The following SNX18 variants were observed in gnomAD, a reference collection of about 807,000 sequenced individuals.
SNX18 encodes sorting nexin 18.
Under a neutral mutation model 48.7 loss-of-function variants are expected in SNX18, and 35 were observed. That is an observed-to-expected ratio of 0.72 (90% CI 0.55 to 0.95). The LOEUF is 0.95. Ranked by LOEUF, SNX18 falls within the 40% of genes least tolerant of loss-of-function variation. The pLI is 0.00. For synonymous variants in SNX18, 492 were observed against 384.7 expected (o/e 1.28, Z -3.26); for missense variants, 824 against 871.0 (o/e 0.95, Z 0.68).
chr5:54,621,295 T>TGAATCAAC, the SNX18 span, among the ~76,000 whole-genome samples: 1 of 152,320 alleles, frequency 6.6e-6, no homozygotes, highest in Non-Finnish European at 1.5e-5. Flanking sequence ...GCCAGCATTG[T>TGAATCAAC]GAATCAACAA....
chr5:54,524,389 C>T (rs1018357183), intron 1 of SNX18, among the ~76,000 whole-genome samples: 1 of 152,198 alleles, frequency 6.6e-6, no homozygotes. Context: ...CCTGCACTCC[C>T]ACCCTCCTCC....
the SNX18 span, among the ~76,000 whole-genome samples, chr5:54,619,674 G>T: frequency 6.6e-6 from 1 of 152,176 alleles, no homozygotes; most frequent in Non-Finnish European, 1.5e-5. Context: ...TGAATTAGAA[G>T]TTTATTTTGC....
At chr5:54,555,490 G>A in the SNX18 span, among the ~76,000 whole-genome samples, 5 of 151,660 alleles carry the variant, frequency 3.3e-5, no homozygotes, top group African/African-American at 2.4e-5. Context: ...GATTATAGAT[G>A]CACATCATGG....
chr5:54,544,645 C>A lies in SNX18; in HGVS notation c.*1213C>A, dbSNP rs971159225. 1 of 137,812 alleles carries A rather than the reference C, an allele frequency of 7.3e-6. No homozygotes were observed. Among genetic ancestry groups the A allele is most frequent in the East Asian group, 2.3e-4 (1 of 4,346 alleles). The allele number at this position is 137,812 out of a possible 1,614,324, so 8.5% of individuals were successfully genotyped here. On this transcript the variant is annotated 3_prime_UTR_variant, in exon 2 of 2. Coordinates refer to ENST00000381410, the MANE Select transcript of SNX18 (RefSeq NM_001102575.2). The stretch of plus-strand genomic sequence containing the variant: ...AAAAGGTATTGATGAGCCCCCCCCC[C>A]CCAGGACATTTAACCTTAAAATTTA...
At chr5:54,552,158 C>A in the SNX18 span, among the ~76,000 whole-genome samples, 2 of 152,190 alleles carry the variant, frequency 1.3e-5, no homozygotes, top group Admixed American at 1.3e-4. Context: ...GCGACGTGAC[C>A]CATTACCACG....
At chr5:54,619,597 A>G in the SNX18 span, among the ~76,000 whole-genome samples, 3 of 152,170 alleles carry the variant, frequency 2.0e-5, no homozygotes, top group Non-Finnish European at 2.9e-5. Context: ...TACACTATCT[A>G]TGATTCTTTT....
At chr5:54,609,377 ATC>A in the SNX18 span, among the ~76,000 whole-genome samples, 1 of 152,050 alleles carries the variant, frequency 6.6e-6, no homozygotes, top group Non-Finnish European at 1.5e-5. Flanking sequence ...CCTGAAGAAA[ATC>A]TCTCTTCCTT....
chr5:54,619,243 G>T, the SNX18 span, among the ~76,000 whole-genome samples: 4 of 152,180 alleles, frequency 2.6e-5, no homozygotes, highest in African/African-American at 7.2e-5. Flanking sequence ...AGGCACAGTG[G>T]CTCACGCCTA....
the SNX18 span, among the ~76,000 whole-genome samples, chr5:54,590,730 C>T: frequency 1.3e-5 from 2 of 152,136 alleles, no homozygotes; most frequent in Non-Finnish European, 2.9e-5. Context: ...ATGTTTCAAA[C>T]CCAAGCCCTT....
In SNX18 at chr5:54,517,950, A is replaced by G; in HGVS notation, c.-3A>G. On this transcript the variant is annotated 5_prime_UTR_variant, in exon 1 of 2. Transcript: ENST00000381410. ...CGGGACCGCCAGTCGGGGCGCCGGG[A>G]CCATGGCGCTGCGCGCCCGGGCGCT... is the stretch of plus-strand genomic sequence containing the variant. The G allele has an allele frequency of 6.6e-7, 1 of 1,508,830 alleles. No homozygotes were observed. The highest frequency in any genetic ancestry group is 8.8e-7 in the Non-Finnish European group (1 of 1,131,978). The allele number at this position is 1,508,830 out of a possible 1,614,324, so 93.5% of individuals were successfully genotyped here.
At chr5:54,570,383 C>T in the SNX18 span, among the ~76,000 whole-genome samples, 1 of 152,164 alleles carries the variant, frequency 6.6e-6, no homozygotes, top group African/African-American at 2.4e-5. Context: ...TTTTCAGCTG[C>T]CTTAAGTTTG....
At chr5:54,535,689 A>C (rs1762340255) in intron 1 of SNX18, among the ~76,000 whole-genome samples, 1 of 152,164 alleles carries the variant, frequency 6.6e-6, no homozygotes, top group South Asian at 2.1e-4. Flanking sequence ...TTTGCCATGA[A>C]TTAGCTGTGG....
chr5:54,581,452 C>A, the SNX18 span, among the ~76,000 whole-genome samples: 1 of 151,884 alleles, frequency 6.6e-6, no homozygotes, highest in African/African-American at 2.4e-5. Context: ...AAATATGACT[C>A]CCCCGGCAAA....
At chr5:54,552,730 T>C in the SNX18 span, among the ~76,000 whole-genome samples, 2 of 152,242 alleles carry the variant, frequency 1.3e-5, no homozygotes, top group Admixed American at 6.5e-5. Flanking sequence ...ACTAGGAATA[T>C]AGCAGTGAAC....
chr5:54,636,210 C>T, the SNX18 span, among the ~76,000 whole-genome samples: 1 of 152,178 alleles, frequency 6.6e-6, no homozygotes, highest in Non-Finnish European at 1.5e-5. Context: ...CACTCTTCTC[C>T]TTCCCTTTCC....
intron 1 of SNX18, chr5:54,519,887 CG>C: frequency 6.8e-7 from 1 of 1,478,836 alleles, no homozygotes; most frequent in Non-Finnish European, 9.2e-7. Context: ...AATCTTGAGA[CG>C]AGGGTAGAAT....
rs758951369 is a variant in SNX18 at position 54,519,578 on chromosome 5, A to G, written c.1621+5A>G. ...ACATCATCCACGTTCAGAAAGGTAA[A>G]GCCTGGCCCTTAGAGCAGGTGATAT... On this transcript the variant is annotated splice_donor_5th_base_variant and intron_variant, in intron 1 of 1. Transcript: ENST00000381410. The G allele has an allele frequency of 2.5e-6, 4 of 1,614,188 alleles. No individual in the cohort carries two copies. In the South Asian group the frequency reaches 4.4e-5, roughly 18 times the overall value.
chr5:54,572,967 A>C, the SNX18 span, among the ~76,000 whole-genome samples: 1 of 150,762 alleles, frequency 6.6e-6, no homozygotes, highest in Non-Finnish European at 1.5e-5. Context: ...GGCTAGGAAA[A>C]TGTGGCTGGG....
chr5:54,590,716 T>C, the SNX18 span, among the ~76,000 whole-genome samples: 1 of 152,196 alleles, frequency 6.6e-6, no homozygotes, highest in Non-Finnish European at 1.5e-5. Context: ...AAAAGTATGA[T>C]GACATGTTTC....
Sources: gnomAD v4.1 joint callset for allele counts (sites outside exome capture counted in the v4.1 genomes callset) on GRCh38, gnomAD v4.1.1 for gene constraint, MANE v1.5 for transcripts, NCBI Gene and HGNC (gene_info 2026-07-23, HGNC 2026-07-21) for gene names.